The following ATP13A2 variants were observed in gnomAD, a reference collection of about 807,000 sequenced individuals.
ATP13A2 encodes polyamine-transporting ATPase 13A2.
Under a neutral mutation model 138.3 loss-of-function variants are expected in ATP13A2, and 83 were observed. That is an observed-to-expected ratio of 0.60 (90% CI 0.50 to 0.72). ATP13A2 has a LOEUF of 0.72. Ranked by LOEUF, ATP13A2 falls within the 30% of genes least tolerant of loss-of-function variation. The pLI is 0.00. For missense variants in ATP13A2, 1,402 were observed against 1,606.4 expected (o/e 0.87, Z 2.17); for synonymous variants, 663 against 699.0 (o/e 0.95, Z 0.81).
chr1:17,002,196 C>G, intron 7 of ATP13A2, 93 bp from the exon 8 acceptor site: 1 of 1,576,856 alleles, frequency 6.3e-7, no homozygotes, highest in Non-Finnish European at 8.6e-7. Flanking sequence ...GCTGGGGGAA[C>G]TGAGGCCCAG....
At position 17,006,554 on chromosome 1, in the gene ATP13A2, AGTGT is replaced by A. The variant is rs371976411; in HGVS notation, c.11-780_11-777del. Among the ~76,000 whole-genome samples, 163 of 152,124 alleles carry A rather than the reference AGTGT, an allele frequency of 1.1e-3. 1 individual carries two copies. The highest frequency in any genetic ancestry group is 3.6e-3 in the African/African-American group (150 of 41,524). On this transcript the variant is annotated intron_variant, in intron 1 of 28. Coordinates refer to ENST00000326735, the MANE Select transcript of ATP13A2 (RefSeq NM_022089.4). ...GCATGAGCCACCGTGCTTGGCCAGT[AGTGT>A]CTTGTTTCCTTGCGTGTGTCGGTCT... is the stretch of plus-strand genomic sequence containing the variant.
chr1:16,993,814 C>T lies in ATP13A2; in HGVS notation c.1564G>A (p.Gly522Ser), dbSNP rs140278172. Reference protein sequence around the residue: ...FDKTGTLTEDGLDVMGVVPLK... With the variant: ...FDKTGTLTEDSLDVMGVVPLK... ...GGCACCACCCCCATCACGTCTAAGCCGTCCTCAGTGAGGGTGCCCGTCTGT... is the reference window on the plus strand; with the variant it reads ...GGCACCACCCCCATCACGTCTAAGCTGTCCTCAGTGAGGGTGCCCGTCTGT... Residue 522 changes from glycine (G) to serine (S), a missense_variant, in exon 16 of 29, where the codon GGC becomes AGC. Physicochemically the swap from Gly to Ser is moderately conservative, Grantham distance 56 (BLOSUM62 0). Transcript: ENST00000326735. The T allele has an allele frequency of 1.5e-5, 24 of 1,571,080 alleles. No homozygotes were observed. The highest frequency in any genetic ancestry group is 2.1e-5 in the Non-Finnish European group (24 of 1,158,616).
Position 16,988,251 on chromosome 1 carries a change from G to A in ATP13A2, c.2763-17C>T, listed in dbSNP as rs367638044. ...CGCCCCTCCCTGGGTGGCAGGGCACGGACATTAGGGGACCCAGGTTGGCTG... is the reference window on the plus strand; with the variant it reads ...CGCCCCTCCCTGGGTGGCAGGGCACAGACATTAGGGGACCCAGGTTGGCTG... On this transcript the variant is annotated splice_polypyrimidine_tract_variant and intron_variant, in intron 24 of 28. Coordinates refer to ENST00000326735, the MANE Select transcript of ATP13A2 (RefSeq NM_022089.4). 170 of 1,614,164 alleles carry A rather than the reference G, an allele frequency of 1.1e-4. 1 individual carries two copies. The South Asian group carries it at 1.4e-3, about 14-fold the overall frequency.
rs199624796 is a variant in ATP13A2 at position 17,004,399 on chromosome 1, G to A, written c.490C>T (p.Arg164Trp). The stretch of plus-strand genomic sequence containing the variant: ...CGCTGGCCCTGGAAGAGGTAATACC[G>A]CAGCACCCGCTTCTGGGTGGGAGAG... Reference protein sequence around the residue: ...AVSVGQKRVLRYYLFQGQRYI... With the variant: ...AVSVGQKRVLWYYLFQGQRYI... Residue 164 changes from arginine (R) to tryptophan (W), a missense_variant, in exon 6 of 29, where the codon CGG (arginine) becomes TGG (tryptophan). Arg to Trp is a moderately radical substitution (Grantham distance 101, BLOSUM62 -3). Transcript: ENST00000326735. This position sits in a 1 kb window ranked among gnomAD's most constrained non-coding sequence, Gnocchi z 4.1. The A allele has an allele frequency of 1.3e-5, 21 of 1,613,918 alleles. No homozygotes were observed. The highest frequency in any genetic ancestry group is 2.2e-5 in the East Asian group (1 of 44,874).
rs1466538560 is a variant in ATP13A2 at position 16,992,111 on chromosome 1, TG to T, written c.2023del (p.Gln675ArgfsTer33). The T allele has an allele frequency of 6.2e-7, 1 of 1,613,400 alleles. No individual in the cohort carries two copies. Among genetic ancestry groups the T allele is most frequent in the South Asian group, 1.1e-5 (1 of 91,078 alleles). ...NPETVPTDFAQMLQSYTAAGY... is the reference protein window; with the variant it reads ...NPETVPTDFAXMLQSYTAAGY... ...AGCAGCTGTATAGCTCTGCAGCATC[TG>T]GGCGAAGTCGGTGGGCACTGCCAGG... On this transcript the variant is annotated frameshift_variant, in exon 19 of 29. Coordinates refer to ENST00000326735, the MANE Select transcript of ATP13A2 (RefSeq NM_022089.4). LOFTEE classifies it high-confidence loss of function.
In ATP13A2 at chr1:16,986,330, C is replaced by T. The variant is rs756071133; in HGVS notation, c.3434G>A (p.Cys1145Tyr). Residue 1145 changes from cysteine to tyrosine, a missense_variant, in exon 29 of 29, where the codon TGC becomes TAC. Transcript: ENST00000326735. This position sits in a 1 kb window ranked among gnomAD's most constrained non-coding sequence, Gnocchi z 6.9. ...ESVLDQCLPACLRRLRPKRAS... is the reference protein window; with the variant it reads ...ESVLDQCLPAYLRRLRPKRAS... The stretch of plus-strand genomic sequence containing the variant: ...CCGCTTGGGCCGGAGGCGGCGCAGG[C>T]AGGCGGGGAGGCACTGGTCTAGCAC... The T allele has an allele frequency of 1.3e-5, 20 of 1,581,830 alleles. No homozygotes were observed. Among genetic ancestry groups the T allele is most frequent in the Non-Finnish European group, 6.0e-6 (7 of 1,165,848 alleles).
At chr1:17,002,434 C>T (rs2077396126) in intron 6 of ATP13A2, 61 bp from the exon 7 acceptor site, 1 of 1,565,394 alleles carries the variant, frequency 6.4e-7, no homozygotes, top group African/African-American at 1.3e-5. Flanking sequence ...CATCCCCCAC[C>T]CTGTGCAGGC....
chr1:17,004,584 G>A lies in ATP13A2; in HGVS notation c.477+108C>T. 2 of 1,602,972 alleles carry A rather than the reference G, an allele frequency of 1.2e-6. No homozygotes were observed. Among genetic ancestry groups the A allele is most frequent in the South Asian group, 1.1e-5 (1 of 90,368 alleles). On this transcript the variant is annotated intron_variant, in intron 5 of 28. Transcript: ENST00000326735. This position sits in a 1 kb window ranked among gnomAD's most constrained non-coding sequence, Gnocchi z 4.1. ...TGCTCAGACAGCATCCTGGATGTTT[G>A]GGACAACAGAACTAAAAGGTGGTGG...
At chr1:16,999,516 A>G (rs1373974477) in intron 11 of ATP13A2, among the ~76,000 whole-genome samples, 3 of 152,128 alleles carry the variant, frequency 2.0e-5, no homozygotes, top group Admixed American at 2.0e-4. Context: ...GCCATCTTAC[A>G]GAAGAAGGAA....
rs2077645041 is a variant in ATP13A2, at chr1:17,008,389, C to T, written c.11-2611G>A. On this transcript the variant is annotated intron_variant, in intron 1 of 28. Transcript: ENST00000326735. ...TTCTTTTTTGATGCTGTGTTTCATA[C>T]AGCAAGTGCCTTTGCCTCTCTGGGC... is the stretch of plus-strand genomic sequence containing the variant. 2.6e-5 allele frequency among the ~76,000 whole-genome samples: 4 copies of T among 152,214 alleles called. No individual in the cohort carries two copies. The South Asian group carries it at 8.3e-4, about 32-fold the overall frequency.
rs566375943 is a variant in ATP13A2 at position 16,995,774 on chromosome 1, A to C, written c.1542+202T>G. The C allele has an allele frequency of 1.4e-6, 1 of 735,750 alleles. No homozygotes were observed. The highest frequency in any genetic ancestry group is 2.7e-5 in the East Asian group (1 of 36,864). The allele number at this position is 735,750 out of a possible 1,614,324, so 45.6% of individuals were successfully genotyped here. ...CACCAGTTCTTGAACACATGAATAC[A>C]TGATTCTAGACATTTCATCTGCCAG... is the stretch of plus-strand genomic sequence containing the variant. On this transcript the variant is annotated intron_variant, in intron 15 of 28. Transcript: ENST00000326735. The surrounding 1 kb of genome is among the most constrained non-coding windows in gnomAD (Gnocchi z 4.1).
At chr1:16,991,194 G>A (rs2076916564) in intron 20 of ATP13A2, among the ~76,000 whole-genome samples, 1 of 151,828 alleles carries the variant, frequency 6.6e-6, no homozygotes, top group Non-Finnish European at 1.5e-5. Flanking sequence ...CAAGTGATCC[G>A]CCCGCGTCGG....
rs756421164 is a variant in ATP13A2, at chr1:17,002,059, G to A, written c.680C>T (p.Ser227Phe). 2 of 1,613,460 alleles carry A rather than the reference G, an allele frequency of 1.2e-6. No individual in the cohort carries two copies. The highest frequency in any genetic ancestry group is 2.2e-5 in the South Asian group (2 of 90,928). ...CTCGTCCACCAGCAGCTGGGGGTAG[G>A]ACTTGACCGGTATGCTGATCACGTT... ...GPNVISIPVK[S>F]YPQLLVDEAL... Residue 227 changes from serine to phenylalanine, a missense_variant, in exon 8 of 29, where the codon TCC becomes TTC. By Grantham distance (155) the Ser-to-Phe change is radical. Coordinates refer to ENST00000326735, the MANE Select transcript of ATP13A2 (RefSeq NM_022089.4).
In ATP13A2 at chr1:17,005,394, T is replaced by TA. The variant is rs2077515135; in HGVS notation, c.267dup (p.Ile90TyrfsTer9). The TA allele has an allele frequency of 6.2e-7, 1 of 1,607,480 alleles. No homozygotes were observed. The highest frequency in any genetic ancestry group is 1.3e-5 in the African/African-American group (1 of 74,886). ...CTCACCTCTTTGTCTCTTATTTCGA[T>TA]AACGAGTGTTTCGGCGTGGGCCAGG... On this transcript the variant is annotated frameshift_variant, in exon 3 of 29. Coordinates refer to ENST00000326735, the MANE Select transcript of ATP13A2 (RefSeq NM_022089.4). LOFTEE classifies it high-confidence loss of function.
At position 16,989,876 on chromosome 1, in the gene ATP13A2, G is replaced by A. The variant is rs770381718; in HGVS notation, c.2529+11C>T. 52 of 1,607,128 alleles carry A rather than the reference G, an allele frequency of 3.2e-5. No homozygotes were observed. The highest frequency in any genetic ancestry group is 4.2e-5 in the Non-Finnish European group (49 of 1,176,264). ...GGCGCAGGGCGGCCAGGGAGCTGGG[G>A]GCGGCCCTACCTTGGGCAGCAGCTT... On this transcript the variant is annotated intron_variant, in intron 22 of 28. Coordinates refer to ENST00000326735, the MANE Select transcript of ATP13A2 (RefSeq NM_022089.4).
intron 11 of ATP13A2, among the ~76,000 whole-genome samples, chr1:16,999,083 G>GA (rs2077245728): frequency 6.6e-6 from 1 of 151,984 alleles, no homozygotes; most frequent in Non-Finnish European, 1.5e-5. Flanking sequence ...CACTGGTATA[G>GA]AAACAGCTCA....
In ATP13A2 at chr1:16,987,263, T is replaced by C; in HGVS notation, c.2866A>G (p.Thr956Ala). The C allele has an allele frequency of 6.2e-7, 1 of 1,613,612 alleles. No homozygotes were observed. The highest frequency in any genetic ancestry group is 8.5e-7 in the Non-Finnish European group (1 of 1,179,782). ...ISVLILYTIN[T>A]NLGDLQFLAI... ...AGGAACTGCAGGTCACCCAGGTTGGTGTTGATCTGCCACAGGGAAGGGAGG... is the reference window on the plus strand; with the variant it reads ...AGGAACTGCAGGTCACCCAGGTTGGCGTTGATCTGCCACAGGGAAGGGAGG... The change falls in exon 26 of 29, where the codon ACC becomes GCC. Residue 956 changes from threonine to alanine, a missense_variant. Transcript: ENST00000326735.
intron 8 of ATP13A2, among the ~76,000 whole-genome samples, chr1:17,001,089 C>G (rs550511505): frequency 1.3e-5 from 2 of 152,118 alleles, no homozygotes; most frequent in African/African-American, 2.4e-5. Context: ...GATGAGGAAA[C>G]CAAGGCATGG....
intron 15 of ATP13A2, among the ~76,000 whole-genome samples, chr1:16,994,039 C>G (rs2077030199): frequency 6.6e-6 from 1 of 152,040 alleles, no homozygotes; most frequent in Admixed American, 6.5e-5. Flanking sequence ...CCCACCGTCT[C>G]TCTGTCTAGC....
Sources: gnomAD v4.1 joint callset for allele counts (sites outside exome capture counted in the v4.1 genomes callset) on GRCh38, gnomAD v4.1.1 for gene constraint, Gnocchi (gnomAD v3.1) non-coding constraint, MANE v1.5 for transcripts, NCBI Gene and HGNC (gene_info 2026-07-23, HGNC 2026-07-21) for gene names.